The following C2orf76 variants were observed in gnomAD, a reference collection of about 807,000 sequenced individuals.
C2orf76 encodes the protein UPF0538 protein C2orf76.
C2orf76 carries 23 observed loss-of-function variants against 16.9 expected under a neutral mutation model. The observed-to-expected ratio is 1.36, with a 90% CI of 0.98 to 1.93. C2orf76 has a LOEUF of 1.93. C2orf76 is among the 30% of genes most tolerant of loss of function. C2orf76 has a pLI of 0.00. For synonymous variants in C2orf76, 48 were observed against 52.3 expected, an observed-to-expected ratio of 0.92 and a Z score of 0.35; for missense variants, 152 against 152.6, an observed-to-expected ratio of 1.00 and a Z score of 0.02.
chr2:119,309,793 G>A (rs1678922862), intron 5 of C2orf76, among the ~76,000 whole-genome samples: 1 of 152,026 alleles, frequency 6.6e-6, no homozygotes, highest in Admixed American at 6.5e-5. Flanking sequence ...TCCTTTAACT[G>A]TGTTTACAGT....
At chr2:119,306,407 G>C (rs1417307970) in intron 5 of C2orf76, among the ~76,000 whole-genome samples, 2 of 152,136 alleles carry the variant, frequency 1.3e-5, no homozygotes, top group Non-Finnish European at 2.9e-5. Flanking sequence ...GAACCACGAG[G>C]GAGTTCTGGA....
intron 2 of C2orf76, among the ~76,000 whole-genome samples, chr2:119,323,189 ATT>A (rs57919303): frequency 1.4e-5 from 2 of 141,682 alleles, no homozygotes; most frequent in Non-Finnish European, 1.5e-5. Context: ...TAGTCCCGGC[ATT>A]TTTTTTTTTT....
intron 1 of C2orf76, chr2:119,366,246 A>G: frequency 5.4e-6 from 2 of 373,358 alleles, no homozygotes; most frequent in Non-Finnish European, 1.1e-5. Context: ...AAGTTACCCA[A>G]CAGGAGTTCA....
intron 2 of C2orf76, chr2:119,339,127 G>A (rs1456813380): frequency 2.0e-5 from 3 of 152,116 alleles, no homozygotes; most frequent in African/African-American, 4.8e-5. Flanking sequence ...AATTACATTG[G>A]ATATAAAGCA....
intron 1 of C2orf76, among the ~76,000 whole-genome samples, chr2:119,361,083 ATG>A (rs1265048208): frequency 7.2e-5 from 11 of 152,176 alleles, no homozygotes; most frequent in Admixed American, 2.0e-4. Context: ...TGATTGTGTT[ATG>A]TATTCTATAT....
At chr2:119,358,555 G>A (rs954190082) in intron 1 of C2orf76, among the ~76,000 whole-genome samples, 18 of 148,534 alleles carry the variant, frequency 1.2e-4, no homozygotes, top group Non-Finnish European at 2.4e-4. Context: ...TCCAGCCTGG[G>A]TGACAGAGGG....
chr2:119,314,988 C>T (rs1461551745), intron 4 of C2orf76, among the ~76,000 whole-genome samples: 4 of 152,114 alleles, frequency 2.6e-5, no homozygotes, highest in Non-Finnish European at 5.9e-5. Flanking sequence ...TGCGTATTTT[C>T]AAGTGTGTGT....
chr2:119,309,254 A>G lies in C2orf76; in HGVS notation c.304+2368T>C, dbSNP rs147651322. Among the ~76,000 whole-genome samples, 7 of 152,260 alleles carry G rather than the reference A, an allele frequency of 4.6e-5. No homozygotes were observed. In the South Asian group the frequency reaches 1.0e-3, roughly 23 times the overall value. ...AACAGTATCTATGTACTCATTTCTA[A>G]TAAGTACTCATTCTCTCCTAATAAG... is the stretch of plus-strand genomic sequence containing the variant. On this transcript the variant is annotated intron_variant, in intron 5 of 5. Transcript: ENST00000334816.
chr2:119,302,562 G>A lies in C2orf76; in HGVS notation c.305-14C>T. 6.8e-7 allele frequency: 1 copy of A among 1,465,888 alleles called. No homozygotes were observed. The highest frequency in any genetic ancestry group is 9.2e-7 in the Non-Finnish European group (1 of 1,081,598). 90.8% of individuals were successfully genotyped at this position (1,465,888 alleles called of 1,614,324 possible). A position where few individuals can be genotyped will look rare whatever the true frequency, so the allele number is the denominator to read the frequency against. ...CAGTTTCACTGGCTGAAAAAAAACAGAAAATGGAAAAAAAGATTTTAATGT... is the reference window on the plus strand; with the variant it reads ...CAGTTTCACTGGCTGAAAAAAAACAAAAAATGGAAAAAAAGATTTTAATGT... On this transcript the variant is annotated splice_polypyrimidine_tract_variant and intron_variant, in intron 5 of 5. Transcript: ENST00000334816.
At chr2:119,350,943 CTTGATTG>C (rs1680382728) in intron 1 of C2orf76, among the ~76,000 whole-genome samples, 1 of 152,222 alleles carries the variant, frequency 6.6e-6, no homozygotes, top group Non-Finnish European at 1.5e-5. Flanking sequence ...CCACAAGATA[CTTGATTG>C]TTGATGTTAC....
intron 1 of C2orf76, among the ~76,000 whole-genome samples, chr2:119,354,594 G>A (rs1324469096): frequency 6.6e-6 from 1 of 152,182 alleles, no homozygotes; most frequent in Non-Finnish European, 1.5e-5. Flanking sequence ...AATAACATTT[G>A]AAAACTTCTT....
At position 119,309,398 on chromosome 2, in the gene C2orf76, C is replaced by CTTTTTTTTT. The variant is rs1193022536; in HGVS notation, c.304+2215_304+2223dup. On this transcript the variant is annotated intron_variant, in intron 5 of 5. Transcript: ENST00000334816. ...GTAACTTTTCTTTTTTTCTCTTTTT[C>CTTTTTTTTT]TTTTTTTTTTTTTTTTTTTTTTTTT... Among the ~76,000 whole-genome samples the CTTTTTTTTT allele has an allele frequency of 2.1e-3, 150 of 71,398 alleles. 3 individuals are homozygous for CTTTTTTTTT. The highest frequency in any genetic ancestry group is 3.0e-3 in the Non-Finnish European group (116 of 39,084). The allele number at this position is 71,398 out of a possible 152,430, so 46.8% of individuals were successfully genotyped here.
At chr2:119,333,008 C>T (rs1255463371) in intron 2 of C2orf76, among the ~76,000 whole-genome samples, 1 of 152,150 alleles carries the variant, frequency 6.6e-6, no homozygotes, top group Non-Finnish European at 1.5e-5. Flanking sequence ...GCTGGGATTA[C>T]GGTGTGAGCC....
chr2:119,284,993 T>C, the C2orf76 span, among the ~76,000 whole-genome samples: 1 of 152,210 alleles, frequency 6.6e-6, no homozygotes, highest in African/African-American at 2.4e-5. Flanking sequence ...GTAATATCTG[T>C]GTTCCAGGAT....
chr2:119,282,653 C>G, the C2orf76 span, among the ~76,000 whole-genome samples: 1 of 152,176 alleles, frequency 6.6e-6, no homozygotes, highest in African/African-American at 2.4e-5. Context: ...GTGAGCACCC[C>G]GGTGCATCCT....
intron 5 of C2orf76, among the ~76,000 whole-genome samples, chr2:119,309,380 T>C (rs964012148): frequency 6.6e-6 from 1 of 151,118 alleles, no homozygotes; most frequent in African/African-American, 2.4e-5. Context: ...CTAGTAACTT[T>C]TCTTTTTTTC....
intron 1 of C2orf76, among the ~76,000 whole-genome samples, chr2:119,359,143 A>G (rs1680663210): frequency 1.3e-5 from 2 of 152,214 alleles, no homozygotes; most frequent in South Asian, 4.1e-4. Context: ...CCTGTGCTGT[A>G]TAAGCGGAAC....
chr2:119,294,051 C>A, the C2orf76 span, among the ~76,000 whole-genome samples: 3,171 of 152,130 alleles, frequency 0.021, 78 homozygotes, highest in East Asian at 0.13. Flanking sequence ...GCTGGGAGCA[C>A]GCATGAGGTC....
intron 1 of C2orf76, among the ~76,000 whole-genome samples, chr2:119,355,401 T>C (rs1680538985): frequency 6.6e-6 from 1 of 152,206 alleles, no homozygotes; most frequent in African/African-American, 2.4e-5. Flanking sequence ...CCCACCAGAC[T>C]GTCCAGTAGC....
Sources: gnomAD v4.1 joint callset for allele counts (sites outside exome capture counted in the v4.1 genomes callset) on GRCh38, gnomAD v4.1.1 for gene constraint, MANE v1.5 for transcripts, NCBI Gene and HGNC (gene_info 2026-07-23, HGNC 2026-07-21) for gene names.